CDH12: variants seen among roughly 807,000 people sequenced by gnomAD.
CDH12 encodes cadherin 12, also known as cadherin-12.
Under a neutral mutation model 74.1 loss-of-function variants are expected in CDH12, and 41 were observed. That is an observed-to-expected ratio of 0.55 (90% CI 0.43 to 0.72). The LOEUF is 0.72. Ranked by LOEUF, CDH12 falls within the 30% of genes least tolerant of loss-of-function variation. CDH12 has a pLI of 0.00. For synonymous variants in CDH12, 399 were observed against 355.0 expected (o/e 1.12, Z -1.39); for missense variants, 945 against 977.2 (o/e 0.97, Z 0.44).
intron 1 of CDH12, among the ~76,000 whole-genome samples, chr5:22,740,578 T>C (rs1744977324): frequency 6.6e-6 from 1 of 152,116 alleles, no homozygotes; most frequent in South Asian, 2.1e-4. Context: ...AGCATCTTCA[T>C]TGTAAATATA....
At chr5:21,804,643 AACAC>A (rs11281181) in intron 9 of CDH12, among the ~76,000 whole-genome samples, 4,372 of 115,114 alleles carry the variant, frequency 0.038, 102 homozygotes, top group African/African-American at 0.086. Flanking sequence ...AGTGAATTAA[AACAC>A]ACACACACAC....
intron 3 of CDH12, among the ~76,000 whole-genome samples, chr5:22,378,751 G>A (rs1540521): frequency 0.27 from 41,315 of 151,830 alleles, 5,677 homozygotes; most frequent in East Asian, 0.35. Flanking sequence ...ATTGTGTTAT[G>A]CTTTTTGAGA....
At position 21,751,886 on chromosome 5, in the gene CDH12, A is replaced by G. The variant is rs1744095514; in HGVS notation, c.2236T>C (p.Ser746Pro). The part of the protein sequence containing the change: ...LATYAYEGSG[S>P]VAESLSSIDS... ...ATAGAGCTGAGGGACTCTGCCACGG[A>G]CCCACTCCCTTCGTAGGCATATGTG... Residue 746 changes from serine (S) to proline (P), a missense_variant, in exon 15 of 15, where the codon TCC becomes CCC. Physicochemically the swap from Ser to Pro is moderately conservative, Grantham distance 74 (BLOSUM62 -1). This residue lies in a region of CDH12 where 791 missense variants were observed against 792.8 expected (regional missense o/e 1.00). Transcript: ENST00000382254. The G allele has an allele frequency of 6.2e-7, 1 of 1,613,752 alleles. No individual in the cohort carries two copies. The highest frequency in any genetic ancestry group is 1.3e-5 in the African/African-American group (1 of 74,810).
At chr5:22,398,755 G>A (rs184610583) in intron 3 of CDH12, among the ~76,000 whole-genome samples, 12 of 152,038 alleles carry the variant, frequency 7.9e-5, no homozygotes, top group African/African-American at 2.9e-4. Context: ...TTACATTCTT[G>A]GTTGTAGAAT....
At chr5:22,534,691 T>C (rs1034467758) in intron 1 of CDH12, among the ~76,000 whole-genome samples, 4 of 151,954 alleles carry the variant, frequency 2.6e-5, no homozygotes, top group African/African-American at 9.7e-5. Context: ...AGAGGCCATA[T>C]GGAGGAGTAC....
chr5:22,692,143 C>G (rs1742116873), intron 1 of CDH12, among the ~76,000 whole-genome samples: 1 of 152,086 alleles, frequency 6.6e-6, no homozygotes, highest in Non-Finnish European at 1.5e-5. Flanking sequence ...TCTATTAGTT[C>G]CTACAATAAC....
At chr5:22,551,729 A>T (rs1296519903) in intron 1 of CDH12, among the ~76,000 whole-genome samples, 1 of 152,018 alleles carries the variant, frequency 6.6e-6, no homozygotes, top group Non-Finnish European at 1.5e-5. Context: ...CATTATAAAA[A>T]AAATAAATAA....
intron 5 of CDH12, among the ~76,000 whole-genome samples, chr5:22,031,144 C>A (rs1325103098): frequency 2.0e-5 from 3 of 151,968 alleles, no homozygotes; most frequent in Non-Finnish European, 4.4e-5. Context: ...ACCAGCCTGG[C>A]CAACATGGTG....
At chr5:22,116,728 T>C (rs1334122892) in intron 4 of CDH12, among the ~76,000 whole-genome samples, 1 of 152,092 alleles carries the variant, frequency 6.6e-6, no homozygotes, top group Non-Finnish European at 1.5e-5. Flanking sequence ...TTCACTCCCA[T>C]AGAATTTCAC....
intron 4 of CDH12, among the ~76,000 whole-genome samples, chr5:22,199,990 A>G (rs1205105904): frequency 2.0e-5 from 3 of 152,174 alleles, no homozygotes; most frequent in Non-Finnish European, 4.4e-5. Context: ...AAGGATTGCA[A>G]TTTCCTTTTG....
chr5:22,551,732 ATAAAT>A (rs1173399804), intron 1 of CDH12, among the ~76,000 whole-genome samples: 1 of 104,570 alleles, frequency 9.6e-6, no homozygotes, highest in Non-Finnish European at 2.2e-5. Context: ...TATAAAAAAA[ATAAAT>A]AAACCAAAAA....
intron 3 of CDH12, among the ~76,000 whole-genome samples, chr5:22,285,590 A>G (rs1737098888): frequency 6.6e-6 from 1 of 152,162 alleles, no homozygotes; most frequent in African/African-American, 2.4e-5. Flanking sequence ...GGTGGTATCC[A>G]CTAAATAACT....
chr5:22,309,322 G>A (rs1048267066), intron 3 of CDH12, among the ~76,000 whole-genome samples: 3 of 152,106 alleles, frequency 2.0e-5, no homozygotes, highest in Non-Finnish European at 4.4e-5. Context: ...GAAAGTGTAC[G>A]TGTTTAAGAA....
intron 2 of CDH12, among the ~76,000 whole-genome samples, chr5:22,496,464 T>C (rs1383662791): frequency 2.0e-5 from 3 of 152,206 alleles, no homozygotes; most frequent in Non-Finnish European, 4.4e-5. Flanking sequence ...TGACAAATTG[T>C]TTTTGTGAAT....
chr5:22,234,014 A>C (rs369275106), intron 3 of CDH12, among the ~76,000 whole-genome samples: 1 of 152,226 alleles, frequency 6.6e-6, no homozygotes, highest in Non-Finnish European at 1.5e-5. Context: ...GTACATTTTC[A>C]AAGTCTGACA....
intron 5 of CDH12, among the ~76,000 whole-genome samples, chr5:21,987,731 T>C (rs1757575622): frequency 6.6e-6 from 1 of 151,322 alleles, no homozygotes; most frequent in Non-Finnish European, 1.5e-5. Flanking sequence ...TCAAACATTT[T>C]TGCCATCTAA....
chr5:22,679,245 A>T (rs1430383653), intron 1 of CDH12, among the ~76,000 whole-genome samples: 3 of 152,174 alleles, frequency 2.0e-5, no homozygotes, highest in Non-Finnish European at 4.4e-5. Context: ...CTGATGAAGA[A>T]AAGTGGAAAA....
intron 1 of CDH12, among the ~76,000 whole-genome samples, chr5:22,533,978 T>C (rs753024570): frequency 1.2e-4 from 19 of 152,134 alleles, no homozygotes; most frequent in Non-Finnish European, 1.5e-4. Flanking sequence ...AAATATGCAA[T>C]AAGAACCGAC....
intron 4 of CDH12, among the ~76,000 whole-genome samples, chr5:22,107,367 G>C (rs1385623971): frequency 6.6e-6 from 1 of 151,548 alleles, no homozygotes; most frequent in African/African-American, 2.4e-5. Context: ...CCTGACCTCA[G>C]GTGATCCGTC....
Sources: gnomAD v4.1 joint callset for allele counts (sites outside exome capture counted in the v4.1 genomes callset) on GRCh38, gnomAD v4.1.1 for gene constraint, gnomAD v4.1.1 regional missense constraint, MANE v1.5 for transcripts, NCBI Gene and HGNC (gene_info 2026-07-23, HGNC 2026-07-21) for gene names.